Variants in GRIA3 observed in about 807,000 individuals in gnomAD.
The protein encoded by GRIA3 is glutamate ionotropic receptor AMPA type subunit 3.
Under a neutral mutation model 63.0 loss-of-function variants are expected in GRIA3, and 3 were observed. The observed-to-expected ratio is 0.05, with a 90% CI of 0.02 to 0.12. The LOEUF (loss-of-function observed/expected upper bound fraction) is 0.12, where lower values mean the gene tolerates loss of function less well. Among genes scored for constraint, GRIA3 ranks in the 10% least tolerant of loss-of-function variants. GRIA3 has a pLI of 1.00. For synonymous variants in GRIA3, 274 were observed against 257.9 expected, an observed-to-expected ratio of 1.06 and a Z score of -0.60; for missense variants, 347 against 700.9, an observed-to-expected ratio of 0.50 and a Z score of 5.70.
intron 13 of GRIA3, among the ~76,000 whole-genome samples, chrX:123,475,034 A>T (rs950270589): frequency 3.6e-5 from 4 of 112,436 alleles, no homozygotes; most frequent in Non-Finnish European, 7.5e-5. Flanking sequence ...TCCTCCATAT[A>T]AAAAACAGAC....
intron 3 of GRIA3, among the ~76,000 whole-genome samples, chrX:123,264,768 G>A (rs7062546): frequency 0.048 from 5,355 of 111,851 alleles, 303 homozygotes; most frequent in African/African-American, 0.16. Flanking sequence ...GTTGGGACGG[G>A]GTGGAGAAGA....
At chrX:123,420,336 T>A (rs919444730) in intron 11 of GRIA3, among the ~76,000 whole-genome samples, 2 of 112,009 alleles carry the variant, frequency 1.8e-5, no homozygotes, top group African/African-American at 6.5e-5. Flanking sequence ...GTATGGGGTA[T>A]GCCTCATTTA....
In GRIA3 at chrX:123,321,406, C is replaced by T. The variant is rs993395702; in HGVS notation, c.509-4620C>T. ...CCCGTCAGAAGTACAAATGCTGTGG[C>T]TCTGAGAGATCTGGTGCAGATTCAC... On this transcript the variant is annotated intron_variant, in intron 3 of 15. Coordinates refer to ENST00000620443, the MANE Select transcript of GRIA3 (RefSeq NM_007325.5). Among the ~76,000 whole-genome samples the T allele has an allele frequency of 9.8e-5, 11 of 112,088 alleles. No individual in the cohort carries two copies. The South Asian group carries it at 4.1e-3, about 42-fold the overall frequency.
At chrX:123,352,625 C>T (rs1359363829) in intron 4 of GRIA3, among the ~76,000 whole-genome samples, 1 of 111,866 alleles carries the variant, frequency 8.9e-6, no homozygotes, top group Non-Finnish European at 1.9e-5. Context: ...ATGAAAAAGA[C>T]GTATTCCTTT....
chrX:123,467,841 C>A (rs2045842671), intron 13 of GRIA3, among the ~76,000 whole-genome samples: 1 of 112,208 alleles, frequency 8.9e-6, no homozygotes, highest in African/African-American at 3.2e-5. Flanking sequence ...AAACTTTAGA[C>A]CAGCTATTTT....
chrX:123,463,739 G>A (rs1372491286), intron 12 of GRIA3, among the ~76,000 whole-genome samples: 7 of 95,091 alleles, frequency 7.4e-5, no homozygotes, highest in South Asian at 4.8e-4. Flanking sequence ...AGAAGAGAGA[G>A]AAAGAAAGAA....
chrX:123,396,963 CAGACACTGTGTT>C (rs975708294), intron 6 of GRIA3, among the ~76,000 whole-genome samples: 2 of 111,166 alleles, frequency 1.8e-5, no homozygotes, highest in African/African-American at 6.5e-5. Context: ...TACAATGTGC[CAGACACTGTGTT>C]AGGCATGAGA....
intron 1 of GRIA3, 60 bp downstream of exon 1, chrX:123,184,704 G>A: frequency 1.2e-6 from 1 of 841,498 alleles, no homozygotes; most frequent in Non-Finnish European, 1.8e-6. Context: ...CCACTGCCCC[G>A]GCAAGGCTTT....
At chrX:123,350,438 T>C (rs1024332552) in intron 4 of GRIA3, among the ~76,000 whole-genome samples, 9 of 111,688 alleles carry the variant, frequency 8.1e-5, no homozygotes, top group African/African-American at 2.9e-4. Context: ...AATGTGAGCA[T>C]AGAAAAACAG....
At chrX:123,470,381 G>T (rs1226806442) in intron 13 of GRIA3, among the ~76,000 whole-genome samples, 1 of 111,652 alleles carries the variant, frequency 9.0e-6, no homozygotes, top group East Asian at 2.8e-4. Flanking sequence ...AAAAACATAG[G>T]GAATTTGTTT....
chrX:123,188,133 C>T (rs932260135), intron 2 of GRIA3, among the ~76,000 whole-genome samples: 7 of 111,828 alleles, frequency 6.3e-5, no homozygotes, highest in East Asian at 5.6e-4. Context: ...CACAGACATA[C>T]GCAGGAAAAA....
intron 4 of GRIA3, among the ~76,000 whole-genome samples, chrX:123,332,295 C>A (rs760445821): frequency 1.8e-5 from 2 of 111,373 alleles, no homozygotes; most frequent in African/African-American, 6.5e-5. Flanking sequence ...AACCTTGAAC[C>A]AATATGCTAA....
intron 12 of GRIA3, among the ~76,000 whole-genome samples, chrX:123,440,426 G>A (rs535353328): frequency 1.8e-5 from 2 of 112,340 alleles, no homozygotes; most frequent in South Asian, 3.7e-4. Flanking sequence ...GTGTATAAGT[G>A]TTCCCGTTTC....
At chrX:123,428,291 T>C in intron 12 of GRIA3, 152 bp downstream of exon 12, 3 of 497,938 alleles carry the variant, frequency 6.0e-6, no homozygotes, top group South Asian at 2.7e-5. Flanking sequence ...TGGTTGGTGA[T>C]CTACTCCATT....
intron 2 of GRIA3, among the ~76,000 whole-genome samples, chrX:123,249,538 C>T (rs763898767): frequency 3.6e-5 from 4 of 111,695 alleles, no homozygotes; most frequent in Non-Finnish European, 3.8e-5. Context: ...TTGTCTTCCC[C>T]ATTGGGCTAA....
At chrX:123,438,490 G>C (rs2045656847) in intron 12 of GRIA3, among the ~76,000 whole-genome samples, 1 of 111,873 alleles carries the variant, frequency 8.9e-6, no homozygotes, top group South Asian at 3.7e-4. Context: ...GAGTAAAATT[G>C]CTGGATCATA....
At chrX:123,227,819 T>G (rs1022469145) in intron 2 of GRIA3, among the ~76,000 whole-genome samples, 3 of 112,297 alleles carry the variant, frequency 2.7e-5, no homozygotes, top group African/African-American at 9.7e-5. Flanking sequence ...TTCTGTAGTA[T>G]CTTCCCTGCT....
chrX:123,245,263 T>C (rs2044351767), intron 2 of GRIA3, among the ~76,000 whole-genome samples: 2 of 111,386 alleles, frequency 1.8e-5, no homozygotes, highest in African/African-American at 6.5e-5. Flanking sequence ...AGGATGGACG[T>C]AGAGAAATAA....
At chrX:123,278,375 T>C (rs2044567109) in intron 3 of GRIA3, among the ~76,000 whole-genome samples, 1 of 112,494 alleles carries the variant, frequency 8.9e-6, no homozygotes, top group African/African-American at 3.2e-5. Context: ...CTGTAGGTTG[T>C]GTCCCCACTC....
Sources: gnomAD v4.1 joint callset for allele counts (sites outside exome capture counted in the v4.1 genomes callset) on GRCh38, gnomAD v4.1.1 for gene constraint, MANE v1.5 for transcripts, NCBI Gene and HGNC (gene_info 2026-07-23, HGNC 2026-07-21) for gene names.